WDR75: variants seen among roughly 807,000 people sequenced by gnomAD.
The protein encoded by WDR75 is WD repeat domain 75, also known as WD repeat-containing protein 75.
A neutral mutation model predicts 106.1 loss-of-function variants in WDR75; 52 were observed. That is an observed-to-expected ratio of 0.49 (90% confidence interval 0.39 to 0.62). The LOEUF (loss-of-function observed/expected upper bound fraction) is 0.62, where lower values mean the gene tolerates loss of function less well. WDR75 is among the 20% of genes least tolerant of loss of function. WDR75 has a pLI of 0.00. For missense variants in WDR75, 905 were observed against 970.3 expected (o/e 0.93, Z 0.89); for synonymous variants, 333 against 335.5 (o/e 0.99, Z 0.08).
At chr2:189,465,373 GAGAGGTTTTATTCT>G (rs1367154051) in intron 12 of WDR75, 119 bp downstream of exon 12, 4 of 1,115,802 alleles carry the variant, frequency 3.6e-6, no homozygotes, top group Non-Finnish European at 4.9e-6. Context: ...AGAGATATGG[GAGAGGTTTTATTCT>G]AATAAAACCT....
At chr2:189,450,719 C>G (rs1210090802) in intron 2 of WDR75, 184 bp from the exon 3 acceptor site, 2 of 1,399,804 alleles carry the variant, frequency 1.4e-6, no homozygotes, top group East Asian at 5.7e-5. Flanking sequence ...GATGGATCTG[C>G]TTCTTGCAGA....
chr2:189,454,029 C>G (rs1005264791), intron 4 of WDR75, among the ~76,000 whole-genome samples: 3 of 152,182 alleles, frequency 2.0e-5, no homozygotes, highest in African/African-American at 7.2e-5. Flanking sequence ...CAAAACAAAA[C>G]ACTTCTAAGT....
At chr2:189,453,210 G>T (rs1191066476) in intron 4 of WDR75, among the ~76,000 whole-genome samples, 2 of 152,166 alleles carry the variant, frequency 1.3e-5, no homozygotes, top group Non-Finnish European at 2.9e-5. Flanking sequence ...GGTTTCGTAT[G>T]TTGAATACGT....
At chr2:189,451,096 C>A in intron 3 of WDR75, 128 bp downstream of exon 3, 2 of 1,193,814 alleles carry the variant, frequency 1.7e-6, no homozygotes, top group Non-Finnish European at 1.1e-6. Context: ...AAAATAACAT[C>A]AAAAAAATTA....
chr2:189,466,576 A>G lies in WDR75; in HGVS notation c.1441A>G (p.Ile481Val), dbSNP rs776989489. 5.6e-6 allele frequency: 9 copies of G among 1,603,970 alleles called. No homozygotes were observed. The highest frequency in any genetic ancestry group is 1.3e-5 in the African/African-American group (1 of 74,192). Residue 481 changes from isoleucine to valine, a missense_variant, in exon 13 of 21, where the codon ATA becomes GTA. Transcript: ENST00000314761. The stretch of plus-strand genomic sequence containing the variant: ...ATGGATATTAACAGATGACTCTGAC[A>G]TATACAGTAAGTTATTAAATATGTT... ...KVWILTDDSD[I>V]YKKAVGWTCD...
At chr2:189,464,064 A>G (rs1479345159) in intron 11 of WDR75, 103 bp downstream of exon 11, 5 of 937,628 alleles carry the variant, frequency 5.3e-6, no homozygotes, top group African/African-American at 1.7e-5. Flanking sequence ...TCCTGTGCAT[A>G]TGTTTACTTG....
At chr2:189,457,240 T>C in intron 5 of WDR75, 71 bp from the exon 6 acceptor site, 1 of 1,064,854 alleles carries the variant, frequency 9.4e-7, no homozygotes. Flanking sequence ...AGACTTTGTC[T>C]CAAAAAAAAA....
intron 5 of WDR75, 41 bp downstream of exon 5, chr2:189,455,485 T>C: frequency 6.3e-7 from 1 of 1,584,184 alleles, no homozygotes. Flanking sequence ...GTACCTAAAA[T>C]TTCTTTCCTG....
intron 15 of WDR75, 72 bp from the exon 16 acceptor site, chr2:189,469,272 A>T (rs1385905221): frequency 8.7e-7 from 1 of 1,153,244 alleles, no homozygotes; most frequent in Non-Finnish European, 1.3e-6. Context: ...TCTTCCTAAG[A>T]ATAAGAGAAG....
chr2:189,447,050 A>G (rs937731664), intron 1 of WDR75, among the ~76,000 whole-genome samples: 1 of 152,218 alleles, frequency 6.6e-6, no homozygotes, highest in Non-Finnish European at 1.5e-5. Flanking sequence ...ACTACTGAGA[A>G]TGGCATACAA....
At chr2:189,466,084 GA>G (rs1224277561) in intron 12 of WDR75, among the ~76,000 whole-genome samples, 1 of 152,128 alleles carries the variant, frequency 6.6e-6, no homozygotes, top group African/African-American at 2.4e-5. Flanking sequence ...AAGTAGGCAG[GA>G]ATCTGGGTTC....
intron 3 of WDR75, among the ~76,000 whole-genome samples, chr2:189,451,426 A>G (rs1011462128): frequency 6.6e-6 from 1 of 152,240 alleles, no homozygotes; most frequent in Non-Finnish European, 1.5e-5. Flanking sequence ...TAAAGTATGG[A>G]GAAACAGGCA....
intron 4 of WDR75, among the ~76,000 whole-genome samples, chr2:189,455,106 TG>T (rs2105558352): frequency 6.6e-6 from 1 of 152,084 alleles, no homozygotes; most frequent in East Asian, 1.9e-4. Context: ...CCAGGCTTGA[TG>T]TCACATGCCT....
intron 18 of WDR75, 84 bp from the exon 19 acceptor site, chr2:189,474,101 TA>T (rs758121033): frequency 3.9e-5 from 54 of 1,381,706 alleles, no homozygotes; most frequent in Middle Eastern, 1.9e-4. Context: ...CCAGACTTTT[TA>T]TGATTCTGTA....
chr2:189,474,672 A>C (rs747379377), intron 19 of WDR75, 45 bp from the exon 20 acceptor site: 2 of 1,514,968 alleles, frequency 1.3e-6, no homozygotes, highest in South Asian at 1.1e-5. Context: ...ACTGCGGTGG[A>C]GGATAAGCTT....
chr2:189,454,591 G>A (rs546676451), intron 4 of WDR75, among the ~76,000 whole-genome samples: 50 of 151,198 alleles, frequency 3.3e-4, no homozygotes, highest in South Asian at 8.3e-4. Context: ...GCACAGTCTC[G>A]GCTCACTGCA....
intron 1 of WDR75, 48 bp from the exon 2 acceptor site, chr2:189,448,330 AC>A: frequency 6.5e-7 from 1 of 1,531,366 alleles, no homozygotes. Context: ...CAGTGTGAAA[AC>A]AGGCTAATAC....
intron 1 of WDR75, among the ~76,000 whole-genome samples, chr2:189,447,309 T>G (rs544315847): frequency 6.6e-6 from 1 of 152,344 alleles, no homozygotes; most frequent in South Asian, 2.1e-4. Flanking sequence ...TTTTAGTAAT[T>G]TAGTAGCTGC....
At chr2:189,464,430 T>C (rs1242795966) in intron 11 of WDR75, among the ~76,000 whole-genome samples, 1 of 152,112 alleles carries the variant, frequency 6.6e-6, no homozygotes, top group Non-Finnish European at 1.5e-5. Flanking sequence ...CAGTACTCTT[T>C]ACAGATCTCT....
Sources: allele counts gnomAD v4.1 joint callset (sites outside exome capture counted in the v4.1 genomes callset), GRCh38; gene constraint gnomAD v4.1.1; transcripts MANE v1.5; gene names NCBI Gene and HGNC (gene_info 2026-07-23, HGNC 2026-07-21).